DCAF6: variants seen among roughly 807,000 people sequenced by gnomAD.
The protein encoded by DCAF6 is DDB1 and CUL4 associated factor 6, also known as DDB1- and CUL4-associated factor 6.
Under a neutral mutation model 125.1 loss-of-function variants are expected in DCAF6, and 54 were observed. The ratio of observed to expected loss-of-function variants is 0.43; its 90% CI spans 0.35 to 0.54. DCAF6 has a LOEUF of 0.54. Ranked by LOEUF, DCAF6 falls within the 20% of genes least tolerant of loss-of-function variation. DCAF6 has a pLI of 0.01. For missense variants in DCAF6, 934 were observed against 1,161.7 expected, an observed-to-expected ratio of 0.80 and a Z score of 2.85; for synonymous variants, 371 against 390.4, an observed-to-expected ratio of 0.95 and a Z score of 0.58.
Position 168,042,980 on chromosome 1 carries a change from T to C in DCAF6, c.1728-45T>C, listed in dbSNP as rs149752196. The C allele has an allele frequency of 9.9e-4, 1,377 of 1,396,106 alleles. 2 individuals carry two copies. The highest frequency in any genetic ancestry group is 1.1e-3 in the Non-Finnish European group (1,143 of 995,722). The allele number at this position is 1,396,106 out of a possible 1,614,324, so 86.5% of individuals were successfully genotyped here. On this transcript the variant is annotated intron_variant, in intron 13 of 21. Transcript: ENST00000367840. ...AATATAAAAATCCTAAAAGATCATA[T>C]TGATTAACTTCTTGGTGGAATCACT...
At chr1:168,050,967 T>A (rs755579052) in intron 17 of DCAF6, 34 bp downstream of exon 17, 17 of 1,214,514 alleles carry the variant, frequency 1.4e-5, no homozygotes, top group Middle Eastern at 2.0e-4. Flanking sequence ...ATTTTTTTTT[T>A]ATGATGGATT....
At chr1:168,014,727 G>A (rs984495087) in intron 10 of DCAF6, among the ~76,000 whole-genome samples, 2 of 152,112 alleles carry the variant, frequency 1.3e-5, no homozygotes, top group Non-Finnish European at 2.9e-5. Flanking sequence ...CCTTTAAAAT[G>A]TATTGCACAT....
At chr1:167,888,875 CAAAAA>C in the DCAF6 span, among the ~76,000 whole-genome samples, 1 of 94,184 alleles carries the variant, frequency 1.1e-5, no homozygotes. Flanking sequence ...GACTCCGTCT[CAAAAA>C]AAAAAAAAAA....
chr1:167,900,829 G>A, the DCAF6 span, among the ~76,000 whole-genome samples: 12 of 152,318 alleles, frequency 7.9e-5, no homozygotes, highest in African/African-American at 2.9e-4. Context: ...ACTGCACCTG[G>A]CCTTATTTGG....
chr1:167,966,881 T>G (rs1286167546), intron 3 of DCAF6, among the ~76,000 whole-genome samples, 160 bp downstream of exon 3: 1 of 152,182 alleles, frequency 6.6e-6, no homozygotes, highest in Non-Finnish European at 1.5e-5. Flanking sequence ...TAGGTACATG[T>G]GGGTCTCTTA....
At chr1:167,872,380 A>AT in the DCAF6 span, among the ~76,000 whole-genome samples, 1 of 149,908 alleles carries the variant, frequency 6.7e-6, no homozygotes, top group Admixed American at 6.6e-5. Flanking sequence ...AAAAAAAAAA[A>AT]GCCTGCATAG....
the DCAF6 span, among the ~76,000 whole-genome samples, chr1:167,879,162 G>C: frequency 1.3e-5 from 2 of 152,214 alleles, no homozygotes; most frequent in Non-Finnish European, 2.9e-5. Context: ...TTGAACACCA[G>C]CTCTACCCCT....
chr1:168,054,119 A>G (rs1249464884), intron 17 of DCAF6, among the ~76,000 whole-genome samples: 1 of 152,214 alleles, frequency 6.6e-6, no homozygotes, highest in Non-Finnish European at 1.5e-5. Flanking sequence ...GAACTTTTTT[A>G]TTGATAAAGC....
At chr1:167,904,908 C>T in the DCAF6 span, 1 of 1,593,938 alleles carries the variant, frequency 6.3e-7, no homozygotes, top group South Asian at 1.1e-5. Context: ...AATGGCCTCC[C>T]TACTCTGCAA....
intron 3 of DCAF6, among the ~76,000 whole-genome samples, chr1:167,969,933 C>T (rs1462063030): frequency 1.3e-5 from 2 of 152,146 alleles, no homozygotes; most frequent in Non-Finnish European, 2.9e-5. Flanking sequence ...TGTGCCACCA[C>T]GCCCGGCTAG....
the DCAF6 span, among the ~76,000 whole-genome samples, chr1:167,911,039 T>G: frequency 6.6e-6 from 1 of 152,216 alleles, no homozygotes; most frequent in Non-Finnish European, 1.5e-5. Flanking sequence ...TTTGCTAAAG[T>G]TGTTAACACT....
At chr1:167,974,605 ACTGTTCCTGT>A (rs1362315494) in intron 3 of DCAF6, among the ~76,000 whole-genome samples, 2 of 152,158 alleles carry the variant, frequency 1.3e-5, no homozygotes, top group Non-Finnish European at 2.9e-5. Flanking sequence ...TTTTCATGAT[ACTGTTCCTGT>A]TGATGGTACT....
chr1:168,060,979 A>G lies in DCAF6; in HGVS notation c.2301-2642A>G, dbSNP rs190892020. 7.2e-5 allele frequency among the ~76,000 whole-genome samples: 11 copies of G among 152,360 alleles called. No individual in the cohort carries two copies. The East Asian group carries it at 1.7e-3, about 24-fold the overall frequency. On this transcript the variant is annotated intron_variant, in intron 17 of 21. Coordinates refer to ENST00000367840, the MANE Select transcript of DCAF6 (RefSeq NM_001198956.2). The stretch of plus-strand genomic sequence containing the variant: ...AACACAGTTATTTCCTCTGCTACCT[A>G]TAACTCTACTTTCTTAGCAAAAGAG...
the DCAF6 span, chr1:167,899,388 G>A: frequency 6.2e-7 from 1 of 1,606,130 alleles, no homozygotes; most frequent in East Asian, 2.2e-5. Context: ...TTACAGGCTG[G>A]CAGAACTTTC....
intron 4 of DCAF6, among the ~76,000 whole-genome samples, chr1:167,980,442 G>T (rs551919483): frequency 2.0e-5 from 3 of 151,770 alleles, no homozygotes; most frequent in East Asian, 3.9e-4. Context: ...CCTACCAGCT[G>T]TGTGCAAGGG....
chr1:167,943,635 G>A (rs983924296), intron 1 of DCAF6, among the ~76,000 whole-genome samples: 8 of 151,958 alleles, frequency 5.3e-5, no homozygotes, highest in Non-Finnish European at 1.0e-4. Flanking sequence ...AACGTTCTTT[G>A]TCCTCATTAA....
At chr1:167,951,687 G>A (rs1247432108) in intron 1 of DCAF6, 113 bp from the exon 2 acceptor site, 5 of 677,808 alleles carry the variant, frequency 7.4e-6, no homozygotes, top group African/African-American at 5.4e-5. Context: ...TGGTGGAGCT[G>A]AAATTAGAGC....
the DCAF6 span, among the ~76,000 whole-genome samples, chr1:167,924,021 C>G: frequency 6.6e-6 from 1 of 152,212 alleles, no homozygotes; most frequent in East Asian, 1.9e-4. Flanking sequence ...AGTAAAAGCA[C>G]TGGGCTTGGA....
chr1:167,925,718 T>C, the DCAF6 span, among the ~76,000 whole-genome samples: 3 of 151,444 alleles, frequency 2.0e-5, no homozygotes, highest in African/African-American at 7.3e-5. Flanking sequence ...GGCTAATTTT[T>C]TTGTATCTTT....
Sources: gnomAD v4.1 joint callset for allele counts (sites outside exome capture counted in the v4.1 genomes callset) on GRCh38, gnomAD v4.1.1 for gene constraint, MANE v1.5 for transcripts, NCBI Gene and HGNC (gene_info 2026-07-23, HGNC 2026-07-21) for gene names.